The following MAK variants were observed in gnomAD, a reference collection of about 807,000 sequenced individuals.
MAK encodes the protein serine/threonine-protein kinase MAK.
A neutral mutation model predicts 82.6 loss-of-function variants in MAK; 65 were observed. That is an observed-to-expected ratio of 0.79 (90% CI 0.64 to 0.97). MAK has a LOEUF of 0.97. Ranked by LOEUF, MAK falls within the 50% of genes least tolerant of loss-of-function variation. The pLI, the probability that MAK is intolerant of heterozygous loss-of-function variation, is 0.00. For missense variants in MAK, 703 were observed against 780.2 expected (o/e 0.90, Z 1.18); for synonymous variants, 250 against 274.2 (o/e 0.91, Z 0.87).
intron 10 of MAK, chr6:10,784,818 A>G: frequency 1.6e-6 from 1 of 637,672 alleles, no homozygotes; most frequent in South Asian, 1.5e-5. Flanking sequence ...GCAGCAATTT[A>G]CTTGTGTGTA....
chr6:10,785,111 C>T (rs2127533839), intron 10 of MAK, among the ~76,000 whole-genome samples: 1 of 152,294 alleles, frequency 6.6e-6, no homozygotes. Context: ...TGTGCAGTGG[C>T]TAAGCACCTC....
chr6:10,813,656 TA>T lies in MAK; in HGVS notation c.345del (p.Phe115LeufsTer12). Reference sequence around the variant, plus strand: ...AAAAGAAACCTACCATGTTTATGGATAAAAGCCAGCCCTTGCAATATTTGAT... The same window carrying T: ...AAAAGAAACCTACCATGTTTATGGATAAAGCCAGCCCTTGCAATATTTGAT... ...IMYQILQGLA[F>X]IHKHGFFHRD... On this transcript the variant is annotated frameshift_variant, in exon 5 of 15. Coordinates refer to ENST00000354489, the MANE Select transcript of MAK (RefSeq NM_001242957.3). LOFTEE classifies it high-confidence loss of function. 1 of 1,593,330 alleles carries T rather than the reference TA, an allele frequency of 6.3e-7. No individual in the cohort carries two copies. The highest frequency in any genetic ancestry group is 8.6e-7 in the Non-Finnish European group (1 of 1,161,232).
At chr6:10,834,671 G>A (rs1779038927) in intron 1 of MAK, among the ~76,000 whole-genome samples, 1 of 152,068 alleles carries the variant, frequency 6.6e-6, no homozygotes, top group Non-Finnish European at 1.5e-5. Flanking sequence ...GCTACATCTG[G>A]GTCATTCAGA....
chr6:10,808,796 T>G lies in MAK; in HGVS notation c.491+14A>C. ...AGGCTTATGCCTCAGGAGGGCTGCATAACCCCTACTCACCATCTGGTAGAT... is the reference window on the plus strand; with the variant it reads ...AGGCTTATGCCTCAGGAGGGCTGCAGAACCCCTACTCACCATCTGGTAGAT... On this transcript the variant is annotated intron_variant, in intron 6 of 14. Transcript: ENST00000354489. 6.2e-7 allele frequency: 1 copy of G among 1,613,670 alleles called. No individual in the cohort carries two copies. The highest frequency in any genetic ancestry group is 8.5e-7 in the Non-Finnish European group (1 of 1,179,626).
intron 4 of MAK, among the ~76,000 whole-genome samples, chr6:10,816,561 CTT>C (rs1279542441): frequency 2.0e-5 from 3 of 152,006 alleles, no homozygotes; most frequent in African/African-American, 7.2e-5. Context: ...GATTAAGAAA[CTT>C]TTAATTTTTC....
chr6:10,764,635 G>A lies in MAK; in HGVS notation c.1793-29C>T, dbSNP rs201922150. 1.4e-4 allele frequency: 230 copies of A among 1,605,408 alleles called. 5 individuals are homozygous for A. The East Asian group carries it at 4.4e-3, about 31-fold the overall frequency. Reference sequence around the variant, plus strand: ...AAAGAAATCAGATTTGGAAAACAGGGTTTTACTCATTTGCTTATCAAACTC... The same window carrying A: ...AAAGAAATCAGATTTGGAAAACAGGATTTTACTCATTTGCTTATCAAACTC... On this transcript the variant is annotated intron_variant, in intron 14 of 14. Coordinates refer to ENST00000354489, the MANE Select transcript of MAK (RefSeq NM_001242957.3).
intron 8 of MAK, among the ~76,000 whole-genome samples, chr6:10,797,042 A>G (rs1319739942): frequency 6.6e-6 from 1 of 152,136 alleles, no homozygotes; most frequent in African/African-American, 2.4e-5. Flanking sequence ...TTCCATATAG[A>G]TTATTTGAAA....
At position 10,800,304 on chromosome 6, in the gene MAK, T is replaced by G. The variant is rs543556509; in HGVS notation, c.831+1588A>C. The stretch of plus-strand genomic sequence containing the variant: ...CACATACACATTTCAGTATTTTTCT[T>G]GTGTTTCTGTAGGAGTATTATATTA... On this transcript the variant is annotated intron_variant, in intron 8 of 14. Coordinates refer to ENST00000354489, the MANE Select transcript of MAK (RefSeq NM_001242957.3). This position sits in a 1 kb window ranked among gnomAD's most constrained non-coding sequence, Gnocchi z 4.2. Among the ~76,000 whole-genome samples the G allele has an allele frequency of 6.7e-4, 102 of 152,180 alleles. No individual in the cohort carries two copies. The highest frequency in any genetic ancestry group is 2.2e-3 in the African/African-American group (91 of 41,536).
chr6:10,816,356 C>A (rs371463850), intron 4 of MAK, among the ~76,000 whole-genome samples: 1 of 152,106 alleles, frequency 6.6e-6, no homozygotes, highest in African/African-American at 2.4e-5. Context: ...AAGGCAGGAA[C>A]TACCACATCC....
At chr6:10,790,092 T>G (rs1342928319) in intron 10 of MAK, among the ~76,000 whole-genome samples, 1 of 152,212 alleles carries the variant, frequency 6.6e-6, no homozygotes, top group Non-Finnish European at 1.5e-5. Context: ...GTCCCTTTAT[T>G]TAGTAACCCT....
intron 7 of MAK, chr6:10,802,316 T>G (rs914394950): frequency 1.5e-5 from 6 of 397,902 alleles, no homozygotes; most frequent in Admixed American, 4.2e-5. Context: ...TTTTTTTGTG[T>G]TTTTTTTGAG....
Position 10,813,134 on chromosome 6 carries a change from AAATTTTTTTTTTT to A in MAK, c.358+497_358+509del, listed in dbSNP as rs1777177073. 8.2e-3 allele frequency among the ~76,000 whole-genome samples: 6 copies of A among 728 alleles called. 1 individual carries two copies. The highest frequency in any genetic ancestry group is 0.015 in the African/African-American group (5 of 334). The allele number at this position is 728 out of a possible 152,430, so 0.5% of individuals were successfully genotyped here. The stretch of plus-strand genomic sequence containing the variant: ...TATATATATATATATATATATATAT[AAATTTTTTTTTTT>A]TTTTTTTTTTTTTTTTTTTGAGATG... On this transcript the variant is annotated intron_variant, in intron 5 of 14. Transcript: ENST00000354489.
chr6:10,772,264 T>C (rs947610592), intron 13 of MAK, among the ~76,000 whole-genome samples: 31 of 152,334 alleles, frequency 2.0e-4, no homozygotes, highest in Admixed American at 1.6e-3. Flanking sequence ...AGCCAGTTGT[T>C]AGCACTGTTG....
chr6:10,836,844 TAAAGAA>T (rs1779177129), intron 1 of MAK, among the ~76,000 whole-genome samples: 2 of 152,232 alleles, frequency 1.3e-5, no homozygotes, highest in Admixed American at 1.3e-4. Context: ...TCCTATGGGT[TAAAGAA>T]AAAGATGCTT....
chr6:10,796,221 A>C lies in MAK; in HGVS notation c.920T>G (p.Leu307Arg), dbSNP rs775490393. 3.7e-6 allele frequency: 6 copies of C among 1,614,214 alleles called. No homozygotes were observed. Among genetic ancestry groups the C allele is most frequent in the Non-Finnish European group, 5.1e-6 (6 of 1,180,016 alleles). Residue 307 changes from leucine (L) to arginine (R), a missense_variant, in exon 9 of 15, where the codon CTG becomes CGG. Coordinates refer to ENST00000354489, the MANE Select transcript of MAK (RefSeq NM_001242957.3). The stretch of plus-strand genomic sequence containing the variant: ...AGATGGCTTTGATTCTAATGGTTGC[A>C]GCTGCTTATTTAAAGACTGTTTTGA... ...LESKQSLNKQ[L>R]QPLESKPSLV...
chr6:10,811,524 A>G (rs925034605), intron 5 of MAK, among the ~76,000 whole-genome samples: 1 of 152,228 alleles, frequency 6.6e-6, no homozygotes, highest in Non-Finnish European at 1.5e-5. Flanking sequence ...TATGCTTCAG[A>G]CGTTGCTGAC....
intron 11 of MAK, among the ~76,000 whole-genome samples, chr6:10,783,416 A>C (rs1023492054): frequency 4.6e-5 from 7 of 152,032 alleles, no homozygotes; most frequent in Non-Finnish European, 8.8e-5. Context: ...TCCATTCTCT[A>C]CTTCCACAAT....
In MAK at chr6:10,815,911, A is replaced by AATATATAT. The variant is rs1561991497; in HGVS notation, c.278+1938_278+1939insATATATAT. Among the ~76,000 whole-genome samples, 8 of 78,182 alleles carry AATATATAT rather than the reference A, an allele frequency of 1.0e-4. No homozygotes were observed. The South Asian group carries it at 1.6e-3, about 16-fold the overall frequency. 51.3% of individuals were successfully genotyped at this position (78,182 alleles called of 152,430 possible). A position where few individuals can be genotyped will look rare whatever the true frequency, so the allele number is the denominator to read the frequency against. ...GTACTGTATTAGTGTAGCTTTATAC[A>AATATATAT]GTATATATATATATATATATATATA... On this transcript the variant is annotated intron_variant, in intron 4 of 14. Coordinates refer to ENST00000354489, the MANE Select transcript of MAK (RefSeq NM_001242957.3).
chr6:10,808,719 A>G, intron 6 of MAK, 91 bp downstream of exon 6: 4 of 1,242,198 alleles, frequency 3.2e-6, no homozygotes, highest in South Asian at 2.4e-5. Context: ...TAAATATTCA[A>G]TATGGAACTT....
Sources: gnomAD v4.1 joint callset for allele counts (sites outside exome capture counted in the v4.1 genomes callset) on GRCh38, gnomAD v4.1.1 for gene constraint, Gnocchi (gnomAD v3.1) non-coding constraint, MANE v1.5 for transcripts, NCBI Gene and HGNC (gene_info 2026-07-23, HGNC 2026-07-21) for gene names.